Variants in FAM178B observed in about 807,000 individuals in gnomAD.
FAM178B encodes the protein protein FAM178B.
Under a neutral mutation model 91.7 loss-of-function variants are expected in FAM178B, and 82 were observed. The ratio of observed to expected loss-of-function variants is 0.89; its 90% CI spans 0.75 to 1.07. The LOEUF is 1.07. Ranked by LOEUF, FAM178B falls within the 50% of genes least tolerant of loss-of-function variation. FAM178B has a pLI of 0.00. For synonymous variants in FAM178B, 368 were observed against 359.4 expected (o/e 1.02, Z -0.27); for missense variants, 769 against 846.7 (o/e 0.91, Z 1.14).
chr2:96,938,654 C>T (rs1290958781), intron 8 of FAM178B, among the ~76,000 whole-genome samples: 1 of 152,244 alleles, frequency 6.6e-6, no homozygotes, highest in East Asian at 1.9e-4. Context: ...AGTGTCCCTG[C>T]TCACACAGCT....
chr2:96,956,751 C>T (rs577402408), intron 6 of FAM178B: 3 of 152,352 alleles, frequency 2.0e-5, no homozygotes, highest in African/African-American at 7.2e-5. Context: ...CTAACCAGGC[C>T]GGGCCCTGCT....
intron 13 of FAM178B, among the ~76,000 whole-genome samples, chr2:96,900,617 GCA>G (rs2080909640): frequency 6.6e-6 from 1 of 152,218 alleles, no homozygotes; most frequent in Admixed American, 6.5e-5. Flanking sequence ...CAGTGCTGGG[GCA>G]CTCTGGATTG....
chr2:96,906,919 C>G (rs371773710), intron 12 of FAM178B, among the ~76,000 whole-genome samples: 1 of 152,192 alleles, frequency 6.6e-6, no homozygotes, highest in Non-Finnish European at 1.5e-5. Context: ...GAGGCCTGCG[C>G]GGGAGCTCGT....
intron 14 of FAM178B, 116 bp from the exon 15 acceptor site, chr2:96,878,609 C>G (rs746254636): frequency 6.8e-6 from 6 of 876,348 alleles, no homozygotes; most frequent in African/African-American, 1.7e-5. Context: ...GGGGCTCAGT[C>G]ACCCCTAGGC....
At position 96,876,033 on chromosome 2, in the gene FAM178B, T is replaced by C. The variant is rs954529992; in HGVS notation, c.*243A>G. On this transcript the variant is annotated 3_prime_UTR_variant, in exon 17 of 17. Transcript: ENST00000490605. ...AAGAGGAGATGGCTGGGAGGAGGGC[T>C]GAGGGGTGGGCGAGGCAGAGAGGCC... The C allele has an allele frequency of 7.4e-6, 4 of 539,472 alleles. No individual in the cohort carries two copies. Among genetic ancestry groups the C allele is most frequent in the Admixed American group, 3.5e-5 (1 of 28,794 alleles). The allele number at this position is 539,472 out of a possible 1,614,324, so 33.4% of individuals were successfully genotyped here.
At chr2:96,902,816 G>A (rs1222838524) in intron 12 of FAM178B, 109 bp from the exon 13 acceptor site, 5 of 728,694 alleles carry the variant, frequency 6.9e-6, no homozygotes, top group African/African-American at 5.3e-5. Context: ...CCCTCCATCT[G>A]GGGTACCCCA....
At chr2:96,944,365 GACAA>G (rs2081786052) in intron 8 of FAM178B, among the ~76,000 whole-genome samples, 1 of 152,052 alleles carries the variant, frequency 6.6e-6, no homozygotes, top group African/African-American at 2.4e-5. Context: ...GCACTGGACA[GACAA>G]ACAACATGGC....
intron 7 of FAM178B, among the ~76,000 whole-genome samples, chr2:96,949,401 T>C (rs1028942772): frequency 6.6e-6 from 1 of 152,078 alleles, no homozygotes; most frequent in Non-Finnish European, 1.5e-5. Context: ...CTAACCAGAT[T>C]CTCCTTCCTG....
chr2:96,879,809 C>T (rs1042320448), intron 14 of FAM178B, among the ~76,000 whole-genome samples: 1 of 152,244 alleles, frequency 6.6e-6, no homozygotes, highest in East Asian at 1.9e-4. Context: ...AAGCCCAGCT[C>T]CCTCTGCCTG....
intron 6 of FAM178B, among the ~76,000 whole-genome samples, chr2:96,954,426 G>T (rs988554446): frequency 6.6e-6 from 1 of 152,246 alleles, no homozygotes; most frequent in African/African-American, 2.4e-5. Context: ...GGGGGCAGCT[G>T]GGCTCAGCAC....
At chr2:96,979,255 G>T (rs925014415) in intron 1 of FAM178B, among the ~76,000 whole-genome samples, 9 of 145,746 alleles carry the variant, frequency 6.2e-5, no homozygotes, top group African/African-American at 2.3e-4. Flanking sequence ...GATTACAGGC[G>T]TGAGCCACTG....
intron 13 of FAM178B, chr2:96,897,904 C>T: frequency 1.0e-6 from 1 of 970,100 alleles, no homozygotes; most frequent in Non-Finnish European, 1.2e-6. Flanking sequence ...CTAACTGAGC[C>T]TCCACTTGCC....
At chr2:96,966,894 G>A (rs529579699) in intron 5 of FAM178B, among the ~76,000 whole-genome samples, 13 of 152,172 alleles carry the variant, frequency 8.5e-5, no homozygotes, top group East Asian at 1.9e-4. Context: ...GCTGGCTCCC[G>A]GGTCTCAGAC....
intron 6 of FAM178B, among the ~76,000 whole-genome samples, chr2:96,956,063 C>T (rs1389251668): frequency 6.6e-6 from 1 of 152,230 alleles, no homozygotes; most frequent in East Asian, 1.9e-4. Context: ...AGGACAAACG[C>T]ACACCCCAAT....
Position 96,947,916 on chromosome 2 carries a change from A to T in FAM178B, c.994-14T>A. 7.2e-7 allele frequency: 1 copy of T among 1,387,686 alleles called. No homozygotes were observed. The highest frequency in any genetic ancestry group is 1.8e-4 in the Middle Eastern group (1 of 5,592). 86.0% of individuals were successfully genotyped at this position (1,387,686 alleles called of 1,614,324 possible). ...CCATGTCAGCAGCTAGGTGGAAAAA[A>T]AAAACAAAAACAAAAACCTGGTGAG... On this transcript the variant is annotated splice_polypyrimidine_tract_variant and intron_variant, in intron 7 of 16. Coordinates refer to ENST00000490605, the MANE Select transcript of FAM178B (RefSeq NM_001122646.3).
At chr2:96,904,539 C>CT (rs1559062927) in intron 12 of FAM178B, among the ~76,000 whole-genome samples, 2 of 133,096 alleles carry the variant, frequency 1.5e-5, no homozygotes. Flanking sequence ...CCATGCCTGG[C>CT]TATTTTTTTT....
At chr2:96,893,727 G>A (rs534854920) in intron 14 of FAM178B, among the ~76,000 whole-genome samples, 199 bp downstream of exon 14, 5 of 152,200 alleles carry the variant, frequency 3.3e-5, no homozygotes, top group Non-Finnish European at 7.4e-5. Context: ...CTGCGGCACG[G>A]GTAACAGCAC....
intron 6 of FAM178B, among the ~76,000 whole-genome samples, chr2:96,959,021 A>G (rs1044571303): frequency 6.6e-6 from 1 of 151,866 alleles, no homozygotes; most frequent in African/African-American, 2.4e-5. Context: ...CAACATGGTG[A>G]AACCCCGTCT....
intron 6 of FAM178B, among the ~76,000 whole-genome samples, chr2:96,958,174 A>G (rs1054645811): frequency 4.7e-5 from 7 of 147,734 alleles, no homozygotes; most frequent in Non-Finnish European, 1.0e-4. Context: ...ATTCATGCCT[A>G]TTCTCCTGCC....
Sources: allele counts gnomAD v4.1 joint callset (sites outside exome capture counted in the v4.1 genomes callset), GRCh38; gene constraint gnomAD v4.1.1; transcripts MANE v1.5; gene names NCBI Gene and HGNC (gene_info 2026-07-23, HGNC 2026-07-21).